Variants in TRPM1 observed in about 807,000 individuals in gnomAD.
TRPM1 encodes the protein TRPM1-203 APA Isoform, Intron 10.
A neutral mutation model predicts 149.4 loss-of-function variants in TRPM1; 113 were observed. The observed-to-expected ratio is 0.76, with a 90% CI of 0.65 to 0.88. The LOEUF is 0.88. TRPM1 is among the 40% of genes least tolerant of loss of function. TRPM1 has a pLI of 0.00. For missense variants in TRPM1, 1,976 were observed against 2,038.7 expected, an observed-to-expected ratio of 0.97 and a Z score of 0.59; for synonymous variants, 741 against 759.5, an observed-to-expected ratio of 0.98 and a Z score of 0.40.
chr15:31,090,282 G>A (rs1456999043), intron 1 of TRPM1, among the ~76,000 whole-genome samples: 2 of 152,078 alleles, frequency 1.3e-5, no homozygotes, highest in East Asian at 1.9e-4. Context: ...GTGTTCTCCG[G>A]TGTGGCTGTC....
upstream of TRPM1, among the ~76,000 whole-genome samples, chr15:31,104,623 T>C (rs2035574065): frequency 7.1e-6 from 1 of 141,516 alleles, no homozygotes; most frequent in African/African-American, 2.7e-5. Flanking sequence ...AGACGGAGTC[T>C]TGCTCTGTTG....
rs1003769912 is a variant in TRPM1, at chr15:31,031,028, G to T, written c.3082C>A (p.Pro1028Thr). ...ACCTCTCCATAGATCATCCAGTAGG[G>T]CATGTAGAAGATGTTTCGGGCCAGT... ...WKLARNIFYM[P>T]YWMIYGEVFA... Residue 1028 changes from proline to threonine, a missense_variant, in exon 23 of 28, where the codon CCC (proline) becomes ACC (threonine). Physicochemically the swap from Pro to Thr is conservative, Grantham distance 38. Transcript: ENST00000256552. 15 of 1,614,054 alleles carry T rather than the reference G, an allele frequency of 9.3e-6. No individual in the cohort carries two copies. The highest frequency in any genetic ancestry group is 3.3e-5 in the Admixed American group (2 of 60,004).
intron 1 of TRPM1, among the ~76,000 whole-genome samples, chr15:31,136,275 A>G (rs1188549296): frequency 2.0e-5 from 3 of 152,102 alleles, no homozygotes; most frequent in East Asian, 3.9e-4. Context: ...AGGCGGAGAC[A>G]TTAGCTCTGT....
intron 13 of TRPM1, among the ~76,000 whole-genome samples, chr15:31,048,609 T>C (rs11070764): frequency 0.48 from 72,983 of 152,012 alleles, 19,527 homozygotes; most frequent in East Asian, 0.94. Context: ...GCTAGGAGTT[T>C]GAGACCAACC....
intron 1 of TRPM1, among the ~76,000 whole-genome samples, chr15:31,148,799 C>T (rs568181398): frequency 7.2e-5 from 11 of 152,304 alleles, no homozygotes; most frequent in African/African-American, 2.6e-4. Flanking sequence ...TGATTTTTGC[C>T]AGCACACAGA....
intron 27 of TRPM1, among the ~76,000 whole-genome samples, chr15:31,012,783 T>C (rs774424123): frequency 1.3e-4 from 20 of 152,166 alleles, no homozygotes; most frequent in Admixed American, 6.5e-4. Flanking sequence ...GGTTTCAGAC[T>C]GTTCAATTTC....
At chr15:31,017,197 T>C (rs897943267) in intron 27 of TRPM1, among the ~76,000 whole-genome samples, 7 of 152,002 alleles carry the variant, frequency 4.6e-5, no homozygotes, top group Admixed American at 1.3e-4. Flanking sequence ...TCCCAGCTAC[T>C]CGGGAGGCTG....
rs760758606 is a variant in TRPM1, at chr15:31,041,945, A to G, written c.2087+6T>C. The G allele has an allele frequency of 8.1e-6, 13 of 1,613,960 alleles. No homozygotes were observed. The highest frequency in any genetic ancestry group is 9.3e-6 in the Non-Finnish European group (11 of 1,180,004). ...CCTGGCCTTTAAATCCCCGCTAGACACTAACTTGGAATTGTTATCCAAGTC... is the reference window on the plus strand; with the variant it reads ...CCTGGCCTTTAAATCCCCGCTAGACGCTAACTTGGAATTGTTATCCAAGTC... On this transcript the variant is annotated splice_donor_region_variant and intron_variant, in intron 17 of 27. Transcript: ENST00000256552.
At chr15:31,034,440 C>T (rs1469570514) in intron 21 of TRPM1, among the ~76,000 whole-genome samples, 1 of 152,200 alleles carries the variant, frequency 6.6e-6, no homozygotes, top group African/African-American at 2.4e-5. Flanking sequence ...CCACACCTGC[C>T]CCCTTCTGGG....
intron 7 of TRPM1, 77 bp from the exon 8 acceptor site, chr15:31,063,369 G>A: frequency 1.9e-6 from 3 of 1,575,066 alleles, no homozygotes; most frequent in Non-Finnish European, 2.6e-6. Flanking sequence ...CCTGAAGTAT[G>A]GGGAAGAGTA....
At chr15:31,133,529 C>G (rs2036048938) in intron 1 of TRPM1, among the ~76,000 whole-genome samples, 1 of 152,074 alleles carries the variant, frequency 6.6e-6, no homozygotes, top group African/African-American at 2.4e-5. Context: ...AACCCCGTCT[C>G]TACAAAAAAT....
At chr15:31,131,827 C>A (rs746942302) in intron 1 of TRPM1, among the ~76,000 whole-genome samples, 1 of 151,536 alleles carries the variant, frequency 6.6e-6, no homozygotes, top group Admixed American at 6.6e-5. Context: ...CTCGCCCCCA[C>A]CCCCCTGCTG....
At chr15:31,149,378 G>C (rs1030312564) in intron 1 of TRPM1, among the ~76,000 whole-genome samples, 2 of 152,192 alleles carry the variant, frequency 1.3e-5, no homozygotes, top group Non-Finnish European at 2.9e-5. Flanking sequence ...AGTTTTTCAA[G>C]TATTTCAGCA....
At chr15:31,022,436 G>A (rs1490141764) in intron 27 of TRPM1, among the ~76,000 whole-genome samples, 1 of 152,228 alleles carries the variant, frequency 6.6e-6, no homozygotes, top group Non-Finnish European at 1.5e-5. Flanking sequence ...TTTGAGATCA[G>A]CCTGGGCAAC....
Position 31,002,282 on chromosome 15 carries a change from C to A in TRPM1, c.4418G>T (p.Gly1473Val). Residue 1473 changes from glycine to valine, a missense_variant, in exon 28 of 28, where the codon GGG becomes GTG. Gly to Val is a moderately radical substitution (Grantham distance 109). Coordinates refer to ENST00000256552, the MANE Select transcript of TRPM1 (RefSeq NM_001252024.2). ...ACTGTACTCTACATCCTGGTTAACC[C>A]CACCGACCAGCTTTCTTCCCCGGGA... ...VYSRGRKLVGGVNQDVEYSSI... is the reference protein window; with the variant it reads ...VYSRGRKLVGVVNQDVEYSSI... 1 of 1,614,212 alleles carries A rather than the reference C, an allele frequency of 6.2e-7. No individual in the cohort carries two copies. The highest frequency in any genetic ancestry group is 8.5e-7 in the Non-Finnish European group (1 of 1,180,034).
Position 31,076,917 on chromosome 15 carries a change from T to A in TRPM1, c.71A>T (p.Lys24Ile), listed in dbSNP as rs1291634225. ...RECIFVIPSM[K>I]DSNRCCCGQF... The stretch of plus-strand genomic sequence containing the variant: ...GATTTCAATTTACCTGTTAGAGTCT[T>A]TCATGCTAGGAATTACAAAGATACA... The change falls in exon 3 of 28, where the codon AAA becomes ATA. Residue 24 changes from lysine (K) to isoleucine (I), a missense_variant. By Grantham distance (102) the Lys-to-Ile change is moderately radical (BLOSUM62 -3). Around this residue, in one of 3 missense-constraint regions of TRPM1, gnomAD observed 1,332 missense variants for 1,347.1 expected, o/e 0.99. Coordinates refer to ENST00000256552, the MANE Select transcript of TRPM1 (RefSeq NM_001252024.2). 6.2e-7 allele frequency: 1 copy of A among 1,607,992 alleles called. No homozygotes were observed. The highest frequency in any genetic ancestry group is 8.5e-7 in the Non-Finnish European group (1 of 1,174,548).
intron 1 of TRPM1, among the ~76,000 whole-genome samples, chr15:31,092,779 G>A (rs2035276691): frequency 1.3e-5 from 2 of 152,144 alleles, no homozygotes; most frequent in South Asian, 2.1e-4. Context: ...GTATAGTCCC[G>A]CAGGAATATC....
chr15:31,077,939 A>G (rs1468686579), intron 2 of TRPM1, among the ~76,000 whole-genome samples: 2 of 151,870 alleles, frequency 1.3e-5, no homozygotes, highest in Non-Finnish European at 2.9e-5. Flanking sequence ...GTGCATGACT[A>G]TGACCTGTGT....
At chr15:31,146,401 G>T (rs1596101627) in intron 1 of TRPM1, among the ~76,000 whole-genome samples, 1 of 152,230 alleles carries the variant, frequency 6.6e-6, no homozygotes, top group East Asian at 1.9e-4. Context: ...CTTGGACTAA[G>T]TTCCTGCTCT....
Sources: gnomAD v4.1 joint callset for allele counts (sites outside exome capture counted in the v4.1 genomes callset) on GRCh38, gnomAD v4.1.1 for gene constraint, gnomAD v4.1.1 regional missense constraint, MANE v1.5 for transcripts, NCBI Gene and HGNC (gene_info 2026-07-23, HGNC 2026-07-21) for gene names.